Variants in CDH18 observed in about 807,000 individuals in gnomAD.
The protein encoded by CDH18 is cadherin 18.
In CDH18, 31 loss-of-function variants were observed where a neutral mutation model predicts 67.9. The ratio of observed to expected loss-of-function variants is 0.46; its 90% CI spans 0.34 to 0.62. The LOEUF is 0.62. Ranked by LOEUF, CDH18 falls within the 20% of genes least tolerant of loss-of-function variation. The pLI, the probability that CDH18 is intolerant of heterozygous loss-of-function variation, is 0.01. For missense variants in CDH18, 890 were observed against 975.5 expected (o/e 0.91, Z 1.17); for synonymous variants, 362 against 347.2 (o/e 1.04, Z -0.48).
chr5:20,413,991 A>G (rs1178379261), intron 1 of CDH18, among the ~76,000 whole-genome samples: 1 of 152,170 alleles, frequency 6.6e-6, no homozygotes, highest in African/African-American at 2.4e-5. Context: ...ATTTTTATAT[A>G]AGGTGTAAGG....
chr5:20,542,916 A>G (rs1415022960), intron 1 of CDH18, among the ~76,000 whole-genome samples: 2 of 151,996 alleles, frequency 1.3e-5, no homozygotes, highest in Non-Finnish European at 2.9e-5. Flanking sequence ...TTTATTTTAA[A>G]CAAACTTCAC....
At chr5:19,840,943 T>A (rs1253615557) in intron 2 of CDH18, among the ~76,000 whole-genome samples, 1 of 152,080 alleles carries the variant, frequency 6.6e-6, no homozygotes, top group Non-Finnish European at 1.5e-5. Context: ...TCTGAATAAA[T>A]AACAAATTGA....
intron 2 of CDH18, among the ~76,000 whole-genome samples, chr5:20,224,671 A>C (rs1310176129): frequency 6.6e-6 from 1 of 152,090 alleles, no homozygotes; most frequent in Non-Finnish European, 1.5e-5. Context: ...AATTAAATGC[A>C]TTCTTTTAAA....
At chr5:19,640,280 T>C (rs1248716061) in intron 5 of CDH18, among the ~76,000 whole-genome samples, 1 of 152,134 alleles carries the variant, frequency 6.6e-6, no homozygotes, top group Non-Finnish European at 1.5e-5. Context: ...TAAAAATCTA[T>C]TAATAGATAC....
chr5:20,117,010 TGTG>T (rs1231207408), intron 2 of CDH18, among the ~76,000 whole-genome samples: 1 of 144,976 alleles, frequency 6.9e-6, no homozygotes, highest in Non-Finnish European at 1.5e-5. Context: ...GAGAGATAAA[TGTG>T]TGTGTGTGTG....
chr5:20,001,390 T>C (rs1019118499), intron 2 of CDH18, among the ~76,000 whole-genome samples: 1 of 152,068 alleles, frequency 6.6e-6, no homozygotes, highest in Non-Finnish European at 1.5e-5. Context: ...TGTTATATAA[T>C]AAATGCTATT....
At chr5:19,952,939 T>A (rs771802732) in intron 2 of CDH18, among the ~76,000 whole-genome samples, 13 of 152,156 alleles carry the variant, frequency 8.5e-5, no homozygotes, top group Non-Finnish European at 1.8e-4. Context: ...TCAGTCTCAA[T>A]TATCTATTTT....
At chr5:19,919,142 A>G (rs1431599775) in intron 2 of CDH18, among the ~76,000 whole-genome samples, 1 of 152,126 alleles carries the variant, frequency 6.6e-6, no homozygotes, top group Non-Finnish European at 1.5e-5. Context: ...TGGTGAATGC[A>G]TTAACGTGCC....
chr5:19,694,984 C>A (rs1219591204), intron 5 of CDH18, among the ~76,000 whole-genome samples: 3 of 151,954 alleles, frequency 2.0e-5, no homozygotes, highest in Non-Finnish European at 2.9e-5. Flanking sequence ...CAGTGTACAG[C>A]AGTACCTAGG....
chr5:20,025,450 G>GT, intron 2 of CDH18, among the ~76,000 whole-genome samples: 1 of 151,946 alleles, frequency 6.6e-6, no homozygotes, highest in South Asian at 2.1e-4. Flanking sequence ...TAATTCTACT[G>GT]TTTTTTTATA....
intron 2 of CDH18, among the ~76,000 whole-genome samples, chr5:20,011,159 A>G (rs1489687909): frequency 1.3e-5 from 2 of 152,166 alleles, no homozygotes; most frequent in Non-Finnish European, 2.9e-5. Flanking sequence ...TTCTTCTTGT[A>G]GAGATCTATT....
chr5:19,489,459 G>C (rs752083877), intron 11 of CDH18, among the ~76,000 whole-genome samples: 50 of 151,898 alleles, frequency 3.3e-4, no homozygotes, highest in Non-Finnish European at 1.3e-4. Flanking sequence ...ATGTTGGCCA[G>C]GCTGGTCTCA....
At chr5:19,480,392 T>TTTAA (rs2126562751) in intron 12 of CDH18, among the ~76,000 whole-genome samples, 1 of 144,818 alleles carries the variant, frequency 6.9e-6, no homozygotes, top group Non-Finnish European at 1.5e-5. Context: ...TATTTATTTA[T>TTTAA]TTGAGATGGA....
At chr5:20,231,907 T>C (rs1742107756) in intron 2 of CDH18, among the ~76,000 whole-genome samples, 1 of 152,170 alleles carries the variant, frequency 6.6e-6, no homozygotes, top group African/African-American at 2.4e-5. Flanking sequence ...TAATAGTAAC[T>C]TTTAAAGCTA....
chr5:20,390,843 T>G (rs181704978), intron 1 of CDH18, among the ~76,000 whole-genome samples: 221 of 152,202 alleles, frequency 1.5e-3, no homozygotes, highest in Non-Finnish European at 1.7e-3. Flanking sequence ...TGTAGGGACA[T>G]GAACGAAGCT....
intron 4 of CDH18, among the ~76,000 whole-genome samples, chr5:19,736,335 C>A (rs977045507): frequency 1.3e-5 from 2 of 152,060 alleles, no homozygotes; most frequent in Non-Finnish European, 1.5e-5. Flanking sequence ...GAGCCATAAT[C>A]GTGCTGCCAC....
chr5:19,723,841 A>C (rs1223498926), intron 4 of CDH18, among the ~76,000 whole-genome samples: 1 of 151,822 alleles, frequency 6.6e-6, no homozygotes, highest in Non-Finnish European at 1.5e-5. Context: ...AGCCTCCTGC[A>C]TAGCTGGGAT....
intron 2 of CDH18, among the ~76,000 whole-genome samples, chr5:19,958,263 C>A (rs187657998): frequency 6.6e-6 from 1 of 150,946 alleles, no homozygotes; most frequent in Non-Finnish European, 1.5e-5. Flanking sequence ...AGCCATGTTG[C>A]GATGCCCAAT....
chr5:20,467,595 G>A (rs1443447049), intron 1 of CDH18, among the ~76,000 whole-genome samples: 3 of 152,140 alleles, frequency 2.0e-5, no homozygotes, highest in Non-Finnish European at 2.9e-5. Flanking sequence ...TTTATGTGAT[G>A]AATTTGGCAT....
Sources: gnomAD v4.1 joint callset for allele counts (sites outside exome capture counted in the v4.1 genomes callset) on GRCh38, gnomAD v4.1.1 for gene constraint, MANE v1.5 for transcripts, NCBI Gene and HGNC (gene_info 2026-07-23, HGNC 2026-07-21) for gene names.